The following FAN1 variants were observed in gnomAD, a reference collection of about 807,000 sequenced individuals.
The protein encoded by FAN1 is FANCD2 and FANCI associated nuclease 1, also known as fanconi-associated nuclease 1.
In FAN1, 91 loss-of-function variants were observed where a neutral mutation model predicts 104.9. The observed-to-expected ratio is 0.87, with a 90% CI of 0.73 to 1.03. The LOEUF (loss-of-function observed/expected upper bound fraction) is 1.03. Among genes scored for constraint, FAN1 ranks in the 50% least tolerant of loss-of-function variants. FAN1 has a pLI of 0.00. For synonymous variants in FAN1, 478 were observed against 457.6 expected (o/e 1.04, Z -0.57); for missense variants, 1,263 against 1,239.9 (o/e 1.02, Z -0.28).
chr15:30,905,303 A>G lies in FAN1; in HGVS notation c.640A>G (p.Asn214Asp). The change falls in exon 2 of 15, where the codon AAC (asparagine) becomes GAC (aspartate). Residue 214 changes from asparagine to aspartate, a missense_variant. By Grantham distance (23) the Asn-to-Asp change is conservative. Coordinates refer to ENST00000362065, the MANE Select transcript of FAN1 (RefSeq NM_014967.5). The part of the protein sequence containing the change: ...QILENSSQKE[N>D]VFKCDSLKEE... ...TTTGGAGAACAGTTCTCAAAAAGAAAACGTGTTTAAATGTGATTCTCTAAA... is the reference window on the plus strand; with the variant it reads ...TTTGGAGAACAGTTCTCAAAAAGAAGACGTGTTTAAATGTGATTCTCTAAA... 1 of 1,614,080 alleles carries G rather than the reference A, an allele frequency of 6.2e-7. No individual in the cohort carries two copies. The highest frequency in any genetic ancestry group is 8.5e-7 in the Non-Finnish European group (1 of 1,180,000).
intron 1 of FAN1, 54 bp downstream of exon 1, chr15:30,904,065 G>T (rs1368503206): frequency 6.6e-6 from 1 of 152,264 alleles, no homozygotes; most frequent in East Asian, 1.9e-4. Context: ...GTGCTGGCCG[G>T]GGCCTCGGCT....
chr15:30,922,362 G>A lies in FAN1; in HGVS notation c.2172+8G>A. ...TTGAAGCGCCTGGAACCGGTACTCAGTAACAAAACATATCTGAAACACCTT... is the reference window on the plus strand; with the variant it reads ...TTGAAGCGCCTGGAACCGGTACTCAATAACAAAACATATCTGAAACACCTT... On this transcript the variant is annotated splice_region_variant and intron_variant, in intron 8 of 14. Coordinates refer to ENST00000362065, the MANE Select transcript of FAN1 (RefSeq NM_014967.5). 1 of 1,590,484 alleles carries A rather than the reference G, an allele frequency of 6.3e-7. No individual in the cohort carries two copies. The highest frequency in any genetic ancestry group is 1.2e-5 in the South Asian group (1 of 86,010).
rs1464779545 is a variant in FAN1 at position 30,930,614 on chromosome 15, C to T, written c.2859C>T (p.His953=). 1 of 1,612,942 alleles carries T rather than the reference C, an allele frequency of 6.2e-7. No individual in the cohort carries two copies. The highest frequency in any genetic ancestry group is 8.5e-7 in the Non-Finnish European group (1 of 1,179,556). Residue 953 remains histidine (H), a synonymous_variant, in exon 13 of 15, where the codon CAC becomes CAT. Transcript: ENST00000362065. The stretch of plus-strand genomic sequence containing the variant: ...GGCACCTGGCTGCTGACTTTCGACA[C>T]TGTCGAGGGGGCCTCCCCGACCTGG... ...VCRHLAADFR[H]CRGGLPDLVV... is the part of the protein sequence containing the mutation.
At chr15:30,936,258 T>G (rs2062850366) in intron 13 of FAN1, among the ~76,000 whole-genome samples, 1 of 152,190 alleles carries the variant, frequency 6.6e-6, no homozygotes, top group Non-Finnish European at 1.5e-5. Context: ...CTTAGAGCTG[T>G]GACCTCTCCA....
At position 30,933,974 on chromosome 15, in the gene FAN1, C is replaced by T. The variant is rs192979744; in HGVS notation, c.2917-3145C>T. ...ATGGGGTTCCACCATGTTGCCCAGGCTGGTCTCAAACTCCTGGGCTCCACG... is the reference window on the plus strand; with the variant it reads ...ATGGGGTTCCACCATGTTGCCCAGGTTGGTCTCAAACTCCTGGGCTCCACG... On this transcript the variant is annotated intron_variant, in intron 13 of 14. Transcript: ENST00000362065. 3.9e-3 allele frequency among the ~76,000 whole-genome samples: 599 copies of T among 152,188 alleles called. 3 individuals carry two copies. Among genetic ancestry groups the T allele is most frequent in the Non-Finnish European group, 6.5e-3 (441 of 67,992 alleles).
intron 3 of FAN1, 72 bp downstream of exon 3, chr15:30,908,330 GTAT>G (rs2062028041): frequency 8.4e-6 from 11 of 1,313,294 alleles, no homozygotes; most frequent in Non-Finnish European, 1.1e-5. Flanking sequence ...AATGATGGCA[GTAT>G]TATTATGGTG....
At chr15:30,921,899 A>C (rs894115903) in intron 7 of FAN1, among the ~76,000 whole-genome samples, 1 of 152,148 alleles carries the variant, frequency 6.6e-6, no homozygotes, top group Non-Finnish European at 1.5e-5. Flanking sequence ...GGGTTTGCCA[A>C]CTGTGACCAG....
At chr15:30,918,058 T>TA (rs1034641250) in intron 5 of FAN1, 106 bp from the exon 6 acceptor site, 124 of 1,192,758 alleles carry the variant, frequency 1.0e-4, no homozygotes, top group Non-Finnish European at 1.4e-4. Context: ...CCTCATATTT[T>TA]AAAAAACACA....
Position 30,905,036 on chromosome 15 carries a change from A to G in FAN1, c.373A>G (p.Ile125Val). The change falls in exon 2 of 15, where the codon ATC becomes GTC. Residue 125 changes from isoleucine to valine, a missense_variant. Physicochemically the swap from Ile to Val is conservative, Grantham distance 29. Around this residue, in one of 2 missense-constraint regions of FAN1, gnomAD observed 682 missense variants for 571.1 expected, o/e 1.19. Coordinates refer to ENST00000362065, the MANE Select transcript of FAN1 (RefSeq NM_014967.5). ...AGCAAAAAGGGAAGTAAAGCAGAAG[A>G]TCAGTCCCTACTTTAAAAGTAATGA... ...DSAKREVKQKISPYFKSNDVV... is the reference protein window; with the variant it reads ...DSAKREVKQKVSPYFKSNDVV... 1 of 1,614,110 alleles carries G rather than the reference A, an allele frequency of 6.2e-7. No homozygotes were observed. Among genetic ancestry groups the G allele is most frequent in the Non-Finnish European group, 8.5e-7 (1 of 1,180,032 alleles).
chr15:30,904,110 G>A (rs2061911208), intron 1 of FAN1, 99 bp downstream of exon 1: 1 of 152,132 alleles, frequency 6.6e-6, no homozygotes, highest in African/African-American at 2.4e-5. Context: ...CAGCCGGCGC[G>A]GGCGCAGCTG....
At position 30,928,251 on chromosome 15, in the gene FAN1, C is replaced by T; in HGVS notation, c.2489-302C>T. 3 of 1,129,174 alleles carry T rather than the reference C, an allele frequency of 2.7e-6. No individual in the cohort carries two copies. The South Asian group carries it at 9.3e-5, about 35-fold the overall frequency. The allele number at this position is 1,129,174 out of a possible 1,614,324, so 69.9% of individuals were successfully genotyped here. A position where few individuals can be genotyped will look rare whatever the true frequency, so the allele number is the denominator to read the frequency against. ...GGTATCTGCCTATTTTTCTTTTAAA[C>T]ATGTTTCTTAGGTTATTCACTAAAG... On this transcript the variant is annotated intron_variant, in intron 10 of 14. Transcript: ENST00000362065.
rs780651208 is a variant in FAN1, at chr15:30,925,835, CTG to C, written c.2388_2389del (p.Phe797CysfsTer9). On this transcript the variant is annotated frameshift_variant, in exon 10 of 15. Transcript: ENST00000362065. LOFTEE classifies it high-confidence loss of function. ...TGCCCACAGCGTGGGATGTGCAAGT[CTG>C]TGTTTGTGATGGAGGCCGGGGAGGC... The C allele has an allele frequency of 1.9e-6, 3 of 1,614,234 alleles. No individual in the cohort carries two copies. Among genetic ancestry groups the C allele is most frequent in the Admixed American group, 3.3e-5 (2 of 60,036 alleles).
chr15:30,937,484 C>A (rs1411856300), intron 14 of FAN1, among the ~76,000 whole-genome samples: 2 of 133,110 alleles, frequency 1.5e-5, no homozygotes, highest in Non-Finnish European at 3.1e-5. Context: ...CAGAGTCTCG[C>A]TCTGTCACCC....
intron 3 of FAN1, among the ~76,000 whole-genome samples, chr15:30,910,289 G>C (rs1189772260): frequency 6.6e-6 from 1 of 152,226 alleles, no homozygotes; most frequent in East Asian, 1.9e-4. Flanking sequence ...TAGGGGTTTT[G>C]TGACGAGAAA....
Position 30,905,295 on chromosome 15 carries a change from A to G in FAN1, c.632A>G (p.Gln211Arg). 1 of 1,614,060 alleles carries G rather than the reference A, an allele frequency of 6.2e-7. No individual in the cohort carries two copies. Among genetic ancestry groups the G allele is most frequent in the Non-Finnish European group, 8.5e-7 (1 of 1,180,014 alleles). ...GATCAAATTTTGGAGAACAGTTCTC[A>G]AAAAGAAAACGTGTTTAAATGTGAT... Reference protein sequence around the residue: ...DEDQILENSSQKENVFKCDSL... With the variant: ...DEDQILENSSRKENVFKCDSL... Residue 211 changes from glutamine to arginine, a missense_variant, in exon 2 of 15, where the codon CAA (glutamine) becomes CGA (arginine). Coordinates refer to ENST00000362065, the MANE Select transcript of FAN1 (RefSeq NM_014967.5).
Position 30,905,771 on chromosome 15 carries a change from A to C in FAN1, c.1108A>C (p.Thr370Pro), listed in dbSNP as rs749488145. Reference protein sequence around the residue: ...GSSCNGPGQTTGHPYYLRSFL... With the variant: ...GSSCNGPGQTPGHPYYLRSFL... ...AAGCTGCAATGGTCCTGGTCAAACA[A>C]CCGGTCATCCTTACTACCTTCGGAG... Residue 370 changes from threonine to proline, a missense_variant, in exon 2 of 15, where the codon ACC (threonine) becomes CCC (proline). Transcript: ENST00000362065. The C allele has an allele frequency of 2.5e-6, 4 of 1,614,176 alleles. No homozygotes were observed. In the South Asian group the frequency reaches 4.4e-5, roughly 18 times the overall value.
chr15:30,913,926 T>C lies in FAN1; in HGVS notation c.1646T>C (p.Leu549Ser). The C allele has an allele frequency of 2.5e-6, 4 of 1,614,214 alleles. No individual in the cohort carries two copies. Among genetic ancestry groups the C allele is most frequent in the Non-Finnish European group, 3.4e-6 (4 of 1,180,032 alleles). Residue 549 changes from leucine to serine, a missense_variant, in exon 5 of 15, where the codon TTG becomes TCG. By Grantham distance (145) the Leu-to-Ser change is moderately radical. This residue lies in a region of FAN1 where 581 missense variants were observed against 668.8 expected (regional missense o/e 0.87). Coordinates refer to ENST00000362065, the MANE Select transcript of FAN1 (RefSeq NM_014967.5). The stretch of plus-strand genomic sequence containing the variant: ...CCCAGGGCTGTGTTTTCCCGCATCT[T>C]GCTACTGTTTTCGTTGACCGACTCA... ...KGPRAVFSRI[L>S]LLFSLTDSME... is the part of the protein sequence containing the mutation.
chr15:30,918,350 A>C (rs2062238576), intron 6 of FAN1, 55 bp downstream of exon 6: 3 of 1,559,886 alleles, frequency 1.9e-6, no homozygotes, highest in Non-Finnish European at 2.6e-6. Flanking sequence ...AGTTGTTCCC[A>C]ACACTTACAG....
At chr15:30,941,051 TC>T in intron 14 of FAN1, 1 of 1,189,168 alleles carries the variant, frequency 8.4e-7, no homozygotes, top group Non-Finnish European at 1.1e-6. Flanking sequence ...CATGAATACT[TC>T]CTAAAACCTG....
Sources: allele counts gnomAD v4.1 joint callset (sites outside exome capture counted in the v4.1 genomes callset), GRCh38; gene constraint gnomAD v4.1.1; regional missense constraint gnomAD v4.1.1; transcripts MANE v1.5; gene names NCBI Gene and HGNC (gene_info 2026-07-23, HGNC 2026-07-21).